The following LRRC4C variants were observed in gnomAD, a reference collection of about 807,000 sequenced individuals.
LRRC4C encodes leucine rich repeat containing 4C, also known as leucine-rich repeat-containing protein 4C.
Under a neutral mutation model 33.6 loss-of-function variants are expected in LRRC4C, and 5 were observed. That is an observed-to-expected ratio of 0.15 (90% CI 0.08 to 0.31). LRRC4C has a LOEUF of 0.31. Ranked by LOEUF, LRRC4C falls within the 10% of genes least tolerant of loss-of-function variation. The probability of loss-of-function intolerance (pLI) is 1.00; values close to 1 mark genes in which losing one functional copy is unlikely to be tolerated. For synonymous variants in LRRC4C, 329 were observed against 302.0 expected, an observed-to-expected ratio of 1.09 and a Z score of -0.93; for missense variants, 560 against 796.7, an observed-to-expected ratio of 0.70 and a Z score of 3.58.
intron 2 of LRRC4C, among the ~76,000 whole-genome samples, chr11:40,916,121 T>C (rs1478821481): frequency 3.3e-5 from 5 of 152,184 alleles, no homozygotes; most frequent in Non-Finnish European, 5.9e-5. Context: ...AGTTCAACCA[T>C]TGTGGAAGTC....
intron 1 of LRRC4C, among the ~76,000 whole-genome samples, chr11:41,350,843 T>C (rs951754147): frequency 6.6e-6 from 1 of 152,098 alleles, no homozygotes; most frequent in Admixed American, 6.6e-5. Context: ...CATAACACAA[T>C]TGGAAGTATT....
intron 1 of LRRC4C, among the ~76,000 whole-genome samples, chr11:41,406,318 G>A (rs551475196): frequency 6.6e-6 from 1 of 152,128 alleles, no homozygotes; most frequent in Admixed American, 6.5e-5. Flanking sequence ...ACATGAAGAA[G>A]TTGATTTTCT....
At chr11:41,432,478 G>T (rs1458052166) in intron 1 of LRRC4C, among the ~76,000 whole-genome samples, 1 of 152,108 alleles carries the variant, frequency 6.6e-6, no homozygotes. Flanking sequence ...GTGTCATTAG[G>T]TTATATTAAC....
intron 1 of LRRC4C, among the ~76,000 whole-genome samples, chr11:40,994,823 T>G (rs1191153839): frequency 6.6e-6 from 1 of 151,306 alleles, no homozygotes; most frequent in African/African-American, 2.4e-5. Flanking sequence ...TACTTTTTTT[T>G]TAACTACTTC....
chr11:40,911,984 G>A (rs1956719532), intron 2 of LRRC4C, among the ~76,000 whole-genome samples: 1 of 152,138 alleles, frequency 6.6e-6, no homozygotes, highest in South Asian at 2.1e-4. Context: ...AGTGAGAAGG[G>A]AAGTTGAGAG....
rs1363134454 is a variant in LRRC4C, at chr11:40,115,503, C to A, written c.790G>T (p.Asp264Tyr). Residue 264 changes from aspartate (D) to tyrosine (Y), a missense_variant, in exon 7 of 7, where the codon GAC (aspartate) becomes TAC (tyrosine). Physicochemically the swap from Asp to Tyr is radical, Grantham distance 160. Around this residue, in one of 3 missense-constraint regions of LRRC4C, gnomAD observed 455 missense variants for 643.8 expected, o/e 0.71. Transcript: ENST00000528697. This position sits in a 1 kb window ranked among gnomAD's most constrained non-coding sequence, Gnocchi z 6.7. ...ATCTCCACTAGTGACTGAAGGTTGT[C>A]AAAGGCATTCCGTTCAATCACTTGA... ...QIQVIERNAF[D>Y]NLQSLVEINL... The A allele has an allele frequency of 6.2e-7, 1 of 1,614,176 alleles. No homozygotes were observed.
At chr11:40,578,778 A>G (rs1050777037) in intron 3 of LRRC4C, among the ~76,000 whole-genome samples, 1 of 152,220 alleles carries the variant, frequency 6.6e-6, no homozygotes, top group Non-Finnish European at 1.5e-5. Flanking sequence ...TTTTACAAAT[A>G]TTACAAACTA....
intron 1 of LRRC4C, among the ~76,000 whole-genome samples, chr11:41,040,676 A>G (rs551064017): frequency 6.6e-6 from 1 of 152,344 alleles, no homozygotes; most frequent in Admixed American, 6.5e-5. Context: ...ACCTGAAACT[A>G]AAAGTACATA....
intron 2 of LRRC4C, among the ~76,000 whole-genome samples, chr11:40,749,171 A>G (rs1948568572): frequency 6.6e-6 from 1 of 152,156 alleles, no homozygotes. Context: ...CAGAATACAT[A>G]TTCTTCTCAT....
chr11:40,585,483 T>C (rs1958683020), intron 3 of LRRC4C, among the ~76,000 whole-genome samples: 1 of 151,874 alleles, frequency 6.6e-6, no homozygotes, highest in African/African-American at 2.4e-5. Context: ...TTTCTTTTTT[T>C]TTTTATACTT....
intron 6 of LRRC4C, among the ~76,000 whole-genome samples, chr11:40,129,532 T>C (rs545737931): frequency 6.6e-6 from 1 of 152,160 alleles, no homozygotes; most frequent in African/African-American, 2.4e-5. Flanking sequence ...GGATGCCTAG[T>C]TGTTTTCATG....
chr11:40,452,741 C>T (rs1474344960), intron 3 of LRRC4C, among the ~76,000 whole-genome samples: 2 of 152,084 alleles, frequency 1.3e-5, no homozygotes, highest in African/African-American at 4.8e-5. Context: ...TGTATGTTTA[C>T]TGCAGCACTA....
intron 2 of LRRC4C, among the ~76,000 whole-genome samples, chr11:40,787,506 T>G (rs181010130): frequency 9.5e-4 from 144 of 152,338 alleles, no homozygotes; most frequent in African/African-American, 2.4e-3. Context: ...TGATCCCATC[T>G]AGTTTCCTCC....
Position 40,467,234 on chromosome 11 carries a change from C to T in LRRC4C, c.-269-147513G>A, listed in dbSNP as rs529236001. On this transcript the variant is annotated intron_variant, in intron 3 of 6. Transcript: ENST00000528697. ...CAAAAACTCAGAGGAAGTTGAAAAT[C>T]CCACTTCTTTTCTCTGTTTAAAAAT... Among the ~76,000 whole-genome samples, 4 of 152,164 alleles carry T rather than the reference C, an allele frequency of 2.6e-5. No individual in the cohort carries two copies. The South Asian group carries it at 8.3e-4, about 32-fold the overall frequency.
chr11:40,852,317 T>G (rs1022131048), intron 2 of LRRC4C, among the ~76,000 whole-genome samples: 1 of 152,150 alleles, frequency 6.6e-6, no homozygotes, highest in African/African-American at 2.4e-5. Context: ...CACACCAGTC[T>G]CTTCATTTAC....
Position 40,153,995 on chromosome 11 carries a change from G to T in LRRC4C, c.-95-13142C>A, listed in dbSNP as rs7927486. Among the ~76,000 whole-genome samples the T allele has an allele frequency of 6.9e-3, 1,048 of 152,246 alleles. 12 individuals carry two copies. The highest frequency in any genetic ancestry group is 0.024 in the African/African-American group (1,006 of 41,546). On this transcript the variant is annotated intron_variant, in intron 5 of 6. Transcript: ENST00000528697. ...GCACACTGTCATCAGATTACCCAAA[G>T]TTGAGATGAAGGAAAGAATCTTAAG...
intron 1 of LRRC4C, among the ~76,000 whole-genome samples, chr11:41,120,826 T>C (rs369957779): frequency 2.4e-4 from 36 of 152,264 alleles, no homozygotes; most frequent in African/African-American, 8.4e-4. Flanking sequence ...ATTTCTCCCA[T>C]GCTGCCCTAT....
rs1233638299 is a variant in LRRC4C, at chr11:41,021,204, AGAGAGAGAGAGT to A, written c.-495-87493_-495-87482del. ...GAGAGAGAGAGAGAGAGAGAGAGAG[AGAGAGAGAGAGT>A]GTGTGTGTGTGTGTGTTTAAGAAAA... On this transcript the variant is annotated intron_variant, in intron 1 of 6. Transcript: ENST00000528697. 6.7e-3 allele frequency among the ~76,000 whole-genome samples: 311 copies of A among 46,178 alleles called. 3 individuals are homozygous for A. The highest frequency in any genetic ancestry group is 0.032 in the East Asian group (19 of 588). 30.3% of individuals were successfully genotyped at this position (46,178 alleles called of 152,430 possible).
rs116268304 is a variant in LRRC4C, at chr11:40,515,990, G to A, written c.-270+132152C>T. ...CTCAGACCCTATTCATTCAGAATGC[G>A]TGATAATTAAAAAGAGGTTTGAGAT... On this transcript the variant is annotated intron_variant, in intron 3 of 6. Coordinates refer to ENST00000528697, the MANE Select transcript of LRRC4C (RefSeq NM_001258419.2). Among the ~76,000 whole-genome samples, 586 of 152,120 alleles carry A rather than the reference G, an allele frequency of 3.9e-3. 6 individuals carry two copies. The highest frequency in any genetic ancestry group is 0.013 in the African/African-American group (546 of 41,538).
Sources: allele counts gnomAD v4.1 joint callset (sites outside exome capture counted in the v4.1 genomes callset), GRCh38; gene constraint gnomAD v4.1.1; regional missense constraint gnomAD v4.1.1; non-coding constraint Gnocchi (gnomAD v3.1); transcripts MANE v1.5; gene names NCBI Gene and HGNC (gene_info 2026-07-23, HGNC 2026-07-21).